MYB: variants seen among roughly 807,000 people sequenced by gnomAD.
MYB encodes the protein transcriptional activator Myb.
A neutral mutation model predicts 92.9 loss-of-function variants in MYB; 28 were observed. The ratio of observed to expected loss-of-function variants is 0.30; its 90% confidence interval spans 0.22 to 0.41. MYB has a LOEUF of 0.41. MYB is among the 10% of genes least tolerant of loss of function. The pLI, the probability that MYB is intolerant of heterozygous loss-of-function variation, is 1.00. For missense variants in MYB, 679 were observed against 929.3 expected (o/e 0.73, Z 3.50); for synonymous variants, 295 against 329.1 (o/e 0.90, Z 1.12).
At chr6:135,196,539 C>T (rs1777339015) in intron 9 of MYB, among the ~76,000 whole-genome samples, 1 of 152,118 alleles carries the variant, frequency 6.6e-6, no homozygotes, top group Admixed American at 6.6e-5. Flanking sequence ...ATTACTGGTC[C>T]CATTGCTTCA....
rs1776995630 is a variant in MYB, at chr6:135,194,243, A to G, written c.844-113A>G. The G allele has an allele frequency of 1.2e-5, 9 of 765,414 alleles. No individual in the cohort carries two copies. The South Asian group carries it at 1.7e-4, about 14-fold the overall frequency. 47.4% of individuals were successfully genotyped at this position (765,414 alleles called of 1,614,324 possible). A position where few individuals can be genotyped will look rare whatever the true frequency, so the allele number is the denominator to read the frequency against. On this transcript the variant is annotated intron_variant, in intron 7 of 15. Coordinates refer to ENST00000341911, the MANE Select transcript of MYB (RefSeq NM_001130173.2). ...GCCAAATTTGGTTGGTGGTGTTGTC[A>G]CAGTGAGGCTCTTTGGGCTGTGCGG...
chr6:135,190,395 G>T lies in MYB; in HGVS notation c.527+48G>T. ...ATTGATCGGGAAGAATGAGGGAGTG[G>T]GTATTGAACATTCTGCTTTAAATGT... On this transcript the variant is annotated intron_variant, in intron 5 of 15. Transcript: ENST00000341911. The surrounding 1 kb of genome is among the most constrained non-coding windows in gnomAD (Gnocchi z 4.5). 1.4e-6 allele frequency: 2 copies of T among 1,417,926 alleles called. No individual in the cohort carries two copies. The highest frequency in any genetic ancestry group is 1.2e-5 in the South Asian group (1 of 83,914). The allele number at this position is 1,417,926 out of a possible 1,614,324, so 87.8% of individuals were successfully genotyped here. A position where few individuals can be genotyped will look rare whatever the true frequency, so the allele number is the denominator to read the frequency against.
At chr6:135,204,789 TG>T (rs2128308690) in intron 15 of MYB, among the ~76,000 whole-genome samples, 1 of 152,026 alleles carries the variant, frequency 6.6e-6, no homozygotes, top group South Asian at 2.1e-4. Context: ...AGGCTGGAGT[TG>T]GCCCCGTGTG....
chr6:135,205,112 A>T (rs1392724108), intron 15 of MYB, among the ~76,000 whole-genome samples: 1 of 152,188 alleles, frequency 6.6e-6, no homozygotes, highest in Admixed American at 6.5e-5. Flanking sequence ...GAAGAGAATG[A>T]ACTCCACCCA....
At chr6:135,216,053 T>TTA (rs1780386598) in intron 15 of MYB, among the ~76,000 whole-genome samples, 1 of 152,010 alleles carries the variant, frequency 6.6e-6, no homozygotes, top group Non-Finnish European at 1.5e-5. Flanking sequence ...CCACCAAATC[T>TTA]TATATCTGTT....
At position 135,185,973 on chromosome 6, in the gene MYB, A is replaced by C; in HGVS notation, c.94A>C (p.Lys32Gln). 1.2e-6 allele frequency: 2 copies of C among 1,614,118 alleles called. No homozygotes were observed. The highest frequency in any genetic ancestry group is 1.7e-6 in the Non-Finnish European group (2 of 1,180,000). ...CCATGACTATGATGGGCTGCTTCCCAAGTCTGGAAAGCGTCACTTGGGGAA... is the reference window on the plus strand; with the variant it reads ...CCATGACTATGATGGGCTGCTTCCCCAGTCTGGAAAGCGTCACTTGGGGAA... The part of the protein sequence containing the change: ...CDHDYDGLLP[K>Q]SGKRHLGKTR... The change falls in exon 2 of 16, where the codon AAG (lysine) becomes CAG (glutamine). Residue 32 changes from lysine to glutamine, a missense_variant. Physicochemically the swap from Lys to Gln is moderately conservative, Grantham distance 53. This residue lies in a region of MYB where 88 missense variants were observed against 145.6 expected (regional missense o/e 0.60). Coordinates refer to ENST00000341911, the MANE Select transcript of MYB (RefSeq NM_001130173.2).
At chr6:135,206,309 G>A (rs1778914989) in intron 15 of MYB, among the ~76,000 whole-genome samples, 1 of 150,560 alleles carries the variant, frequency 6.6e-6, no homozygotes. Context: ...AGGGCAGGAG[G>A]ATCCCTTAAG....
rs1199574922 is a variant in MYB, at chr6:135,218,153, C to T, written c.*173C>T. The T allele has an allele frequency of 1.1e-5, 6 of 546,776 alleles. No individual in the cohort carries two copies. Among genetic ancestry groups the T allele is most frequent in the Non-Finnish European group, 1.9e-5 (6 of 310,980 alleles). The allele number at this position is 546,776 out of a possible 1,614,324, so 33.9% of individuals were successfully genotyped here. The stretch of plus-strand genomic sequence containing the variant: ...TTGAATGAAGTCTTCTTGGATTTCA[C>T]CCAACTAAAAGGATTTTTAAAAATA... On this transcript the variant is annotated 3_prime_UTR_variant, in exon 16 of 16. Coordinates refer to ENST00000341911, the MANE Select transcript of MYB (RefSeq NM_001130173.2).
At chr6:135,193,297 A>T (rs1239322155) in intron 6 of MYB, among the ~76,000 whole-genome samples, 1 of 152,222 alleles carries the variant, frequency 6.6e-6, no homozygotes, top group African/African-American at 2.4e-5. Flanking sequence ...TTACCCAAGA[A>T]TAGAGAGCTC....
intron 3 of MYB, among the ~76,000 whole-genome samples, chr6:135,189,350 G>A (rs2128288909): frequency 6.6e-6 from 1 of 152,094 alleles, no homozygotes; most frequent in South Asian, 2.1e-4. Flanking sequence ...TTTTCTTTCT[G>A]CAATATAAAT....
rs565579519 is a variant in MYB, at chr6:135,206,393, T to A, written c.2169+3069T>A. On this transcript the variant is annotated intron_variant, in intron 15 of 15. Transcript: ENST00000341911. ...AGCCTGGGAGACAAGACCAAGACCT[T>A]GTCTCTAAAAAAAATTTTTTAAGGC... 5.1e-4 allele frequency among the ~76,000 whole-genome samples: 76 copies of A among 150,324 alleles called. 1 individual carries two copies. In the South Asian group the frequency reaches 0.016, roughly 32 times the overall value.
rs1271050427 is a variant in MYB, at chr6:135,181,422, C to G, written c.-92C>G. The G allele has an allele frequency of 2.2e-6, 2 of 911,354 alleles. No individual in the cohort carries two copies. Among genetic ancestry groups the G allele is most frequent in the Admixed American group, 5.1e-5 (1 of 19,700 alleles). The allele number at this position is 911,354 out of a possible 1,614,324, so 56.5% of individuals were successfully genotyped here. A position where few individuals can be genotyped will look rare whatever the true frequency, so the allele number is the denominator to read the frequency against. ...GCGGTGCGGAGCGCCGCTGCGCAGCCGGGGAGGGACGCAGGCAGGCGGCGG... is the reference window on the plus strand; with the variant it reads ...GCGGTGCGGAGCGCCGCTGCGCAGCGGGGGAGGGACGCAGGCAGGCGGCGG... On this transcript the variant is annotated 5_prime_UTR_variant, in exon 1 of 16. Transcript: ENST00000341911. The surrounding 1 kb of genome is among the most constrained non-coding windows in gnomAD (Gnocchi z 5.3).
intron 10 of MYB, among the ~76,000 whole-genome samples, chr6:135,197,886 C>T (rs1777549833): frequency 6.6e-6 from 1 of 152,186 alleles, no homozygotes; most frequent in Non-Finnish European, 1.5e-5. Flanking sequence ...TCAACATTGG[C>T]TCTTTTGAGT....
Position 135,190,496 on chromosome 6 carries a change from A to T in MYB, c.527+149A>T. The T allele has an allele frequency of 1.5e-6, 1 of 687,004 alleles. No homozygotes were observed. 42.6% of individuals were successfully genotyped at this position (687,004 alleles called of 1,614,324 possible). A position where few individuals can be genotyped will look rare whatever the true frequency, so the allele number is the denominator to read the frequency against. ...CAGCTACATAGCTTTTAGAGATTGA[A>T]GACATCTTAGAGTTTATTTGGTTGA... On this transcript the variant is annotated intron_variant, in intron 5 of 15. Transcript: ENST00000341911. This position sits in a 1 kb window ranked among gnomAD's most constrained non-coding sequence, Gnocchi z 4.5.
chr6:135,202,599 C>T (rs1183070778), intron 14 of MYB: 1 of 188,102 alleles, frequency 5.3e-6, no homozygotes, highest in Non-Finnish European at 1.1e-5. Context: ...AACTCCTGAC[C>T]TCAGGTGATC....
rs933834145 is a variant in MYB at position 135,218,866 on chromosome 6, A to C, written c.*886A>C. ...TTTGTTATTGTTGGTTTATACAAGC[A>C]TGCGTTGCACTTCTTTTTTGGGAGA... On this transcript the variant is annotated 3_prime_UTR_variant, in exon 16 of 16. Coordinates refer to ENST00000341911, the MANE Select transcript of MYB (RefSeq NM_001130173.2). 12 of 228,250 alleles carry C rather than the reference A, an allele frequency of 5.3e-5. No homozygotes were observed. Among genetic ancestry groups the C allele is most frequent in the Non-Finnish European group, 7.8e-5 (9 of 114,782 alleles). The allele number at this position is 228,250 out of a possible 1,614,324, so 14.1% of individuals were successfully genotyped here.
rs756830286 is a variant in MYB, at chr6:135,200,182, G to A, written c.1807G>A (p.Gly603Ser). Residue 603 changes from glycine (G) to serine (S), a missense_variant, in exon 12 of 16, where the codon GGT becomes AGT. Coordinates refer to ENST00000341911, the MANE Select transcript of MYB (RefSeq NM_001130173.2). Reference sequence around the variant, plus strand: ...ACTTGCAGCTCAAGAAATTAAATACGGTCCCCTGAAGATGCTAGTAAGTTC... The same window carrying A: ...ACTTGCAGCTCAAGAAATTAAATACAGTCCCCTGAAGATGCTAGTAAGTTC... Reference protein sequence around the residue: ...HALAAQEIKYGPLKMLPQTPS... With the variant: ...HALAAQEIKYSPLKMLPQTPS... 2.2e-5 allele frequency: 36 copies of A among 1,613,958 alleles called. No individual in the cohort carries two copies. Among genetic ancestry groups the A allele is most frequent in the African/African-American group, 4.0e-5 (3 of 74,912 alleles).
intron 15 of MYB, among the ~76,000 whole-genome samples, chr6:135,210,889 C>G (rs1426295160): frequency 6.6e-6 from 1 of 152,160 alleles, no homozygotes; most frequent in Non-Finnish European, 1.5e-5. Flanking sequence ...GAGCCCTCAC[C>G]AAAGGCCAGG....
At chr6:135,202,096 T>A (rs191271425) in intron 14 of MYB, among the ~76,000 whole-genome samples, 8 of 152,340 alleles carry the variant, frequency 5.3e-5, no homozygotes, top group African/African-American at 1.7e-4. Flanking sequence ...AAGTTGTCTC[T>A]TGTTTGGTTT....
Sources: allele counts gnomAD v4.1 joint callset (sites outside exome capture counted in the v4.1 genomes callset), GRCh38; gene constraint gnomAD v4.1.1; regional missense constraint gnomAD v4.1.1; non-coding constraint Gnocchi (gnomAD v3.1); transcripts MANE v1.5; gene names NCBI Gene and HGNC (gene_info 2026-07-23, HGNC 2026-07-21).